Variants in PKNOX1 observed in about 807,000 individuals in gnomAD.
PKNOX1 encodes the protein homeobox protein PKNOX1.
Under a neutral mutation model 51.9 loss-of-function variants are expected in PKNOX1, and 15 were observed. That is an observed-to-expected ratio of 0.29 (90% confidence interval 0.19 to 0.45). The LOEUF (loss-of-function observed/expected upper bound fraction) is 0.45. Ranked by LOEUF, PKNOX1 falls within the 20% of genes least tolerant of loss-of-function variation. The probability of loss-of-function intolerance (pLI) is 1.00; values close to 1 mark genes in which losing one functional copy is unlikely to be tolerated. For synonymous variants in PKNOX1, 219 were observed against 211.1 expected, an observed-to-expected ratio of 1.04 and a Z score of -0.32; for missense variants, 462 against 547.5, an observed-to-expected ratio of 0.84 and a Z score of 1.56.
chr21:43,010,122 CACA>C lies in PKNOX1; in HGVS notation c.252_254del (p.Thr85del), dbSNP rs746481600. ...AACAATCTACACAGGGCTCTGAAGG[CACA>C]ACTTCTGCCAGTTTTGATGTAGACA... On this transcript the variant is annotated inframe_deletion, in exon 4 of 11. Transcript: ENST00000291547. 24 of 1,606,912 alleles carry C rather than the reference CACA, an allele frequency of 1.5e-5. 1 individual carries two copies. In the South Asian group the frequency reaches 2.5e-4, roughly 16 times the overall value.
chr21:43,029,674 G>A (rs754846567), intron 10 of PKNOX1, among the ~76,000 whole-genome samples: 28 of 151,818 alleles, frequency 1.8e-4, no homozygotes, highest in Non-Finnish European at 3.4e-4. Flanking sequence ...CTCGTTATCC[G>A]CCTGCCTCAG....
At chr21:42,978,007 ACTTT>A (rs1489012854) in intron 1 of PKNOX1, among the ~76,000 whole-genome samples, 2 of 151,758 alleles carry the variant, frequency 1.3e-5, no homozygotes, top group Non-Finnish European at 2.9e-5. Flanking sequence ...AGGCTGTTTC[ACTTT>A]CTTTCCCTCC....
At position 42,990,983 on chromosome 21, in the gene PKNOX1, C is replaced by T. The variant is rs565694422; in HGVS notation, c.-56-13343C>T. ...GGGTCAGAAAGTCCTTCCTAGGTTT[C>T]GTGACCTGCCTCAGGAGAGAAGGGT... On this transcript the variant is annotated intron_variant, in intron 1 of 10. Coordinates refer to ENST00000291547, the MANE Select transcript of PKNOX1 (RefSeq NM_004571.5). 2.1e-4 allele frequency among the ~76,000 whole-genome samples: 32 copies of T among 152,186 alleles called. 1 individual carries two copies. In the South Asian group the frequency reaches 4.2e-3, roughly 20 times the overall value.
At chr21:42,994,732 T>C in intron 1 of PKNOX1, among the ~76,000 whole-genome samples, 1 of 152,078 alleles carries the variant, frequency 6.6e-6, no homozygotes, top group Non-Finnish European at 1.5e-5. Context: ...AAAATGGTGA[T>C]ATTTATGCTG....
In PKNOX1 at chr21:43,001,324, T is replaced by C. The variant is rs373040405; in HGVS notation, c.-56-3002T>C. 5.3e-5 allele frequency among the ~76,000 whole-genome samples: 8 copies of C among 152,342 alleles called. No individual in the cohort carries two copies. The South Asian group carries it at 6.2e-4, about 12-fold the overall frequency. ...TGTTGCAAGGGTGTACCTGTGTTGA[T>C]AGGATTCCCCCGGGCTGTGAGATTG... On this transcript the variant is annotated intron_variant, in intron 1 of 10. Transcript: ENST00000291547.
At chr21:43,027,525 T>A (rs760264662) in intron 9 of PKNOX1, among the ~76,000 whole-genome samples, 2 of 152,200 alleles carry the variant, frequency 1.3e-5, no homozygotes, top group African/African-American at 2.4e-5. Flanking sequence ...GCTCATAGCA[T>A]AAGAATGGGA....
At chr21:43,006,368 C>T (rs374808842) in intron 2 of PKNOX1, among the ~76,000 whole-genome samples, 13 of 152,286 alleles carry the variant, frequency 8.5e-5, no homozygotes, top group South Asian at 6.2e-4. Flanking sequence ...TCAGGTGATC[C>T]GCCCACCTTG....
At chr21:43,022,498 C>T (rs1979806912) in intron 8 of PKNOX1, among the ~76,000 whole-genome samples, 1 of 152,060 alleles carries the variant, frequency 6.6e-6, no homozygotes, top group Admixed American at 6.5e-5. Flanking sequence ...GGAGAAGGGC[C>T]CTCTCCTGGG....
rs1024006416 is a variant in PKNOX1 at position 43,021,959 on chromosome 21, G to A, written c.849+528G>A. On this transcript the variant is annotated intron_variant, in intron 8 of 10. Coordinates refer to ENST00000291547, the MANE Select transcript of PKNOX1 (RefSeq NM_004571.5). The surrounding 1 kb of genome is among the most constrained non-coding windows in gnomAD (Gnocchi z 4.6). ...TGGCCGCGTCTTCTCCCTGTCCCCA[G>A]GACATCTTAGGAAGTGCAGTGGTGG... is the stretch of plus-strand genomic sequence containing the variant. Among the ~76,000 whole-genome samples, 1 of 152,228 alleles carries A rather than the reference G, an allele frequency of 6.6e-6. No individual in the cohort carries two copies. Among genetic ancestry groups the A allele is most frequent in the African/African-American group, 2.4e-5 (1 of 41,460 alleles).
At chr21:43,008,740 C>G (rs570601890) in intron 3 of PKNOX1, among the ~76,000 whole-genome samples, 1 of 151,914 alleles carries the variant, frequency 6.6e-6, no homozygotes, top group African/African-American at 2.4e-5. Flanking sequence ...GATCATGCCA[C>G]TGTACTCCAG....
chr21:43,002,088 A>G (rs1015415577), intron 1 of PKNOX1, among the ~76,000 whole-genome samples: 2 of 152,068 alleles, frequency 1.3e-5, no homozygotes, highest in African/African-American at 4.8e-5. Flanking sequence ...GAACTCCTGA[A>G]CTCAAGTGGT....
intron 8 of PKNOX1, among the ~76,000 whole-genome samples, chr21:43,022,393 G>T (rs1979802243): frequency 6.6e-6 from 1 of 152,192 alleles, no homozygotes; most frequent in African/African-American, 2.4e-5. Context: ...CTTTCCTCTG[G>T]CTGCCTCGGG....
At chr21:43,010,712 A>G (rs1979212495) in intron 4 of PKNOX1, among the ~76,000 whole-genome samples, 1 of 151,808 alleles carries the variant, frequency 6.6e-6, no homozygotes, top group South Asian at 2.1e-4. Flanking sequence ...TGAAAATACA[A>G]AATTAGCCAG....
intron 1 of PKNOX1, among the ~76,000 whole-genome samples, chr21:42,977,537 C>CT (rs3044504): frequency 2.1e-5 from 1 of 47,116 alleles, no homozygotes; most frequent in East Asian, 7.7e-4. Context: ...CTGCTTCCAA[C>CT]TTTTTTTTTT....
intron 1 of PKNOX1, among the ~76,000 whole-genome samples, chr21:42,980,231 G>A (rs377505549): frequency 1.3e-4 from 20 of 152,176 alleles, no homozygotes; most frequent in African/African-American, 4.3e-4. Flanking sequence ...AAATTAGCTG[G>A]GTGTGGTGGC....
At chr21:42,975,508 C>T (rs1280483335) in intron 1 of PKNOX1, among the ~76,000 whole-genome samples, 1 of 152,354 alleles carries the variant, frequency 6.6e-6, no homozygotes, top group East Asian at 1.9e-4. Context: ...GGGTTTGCAC[C>T]TTCCTTGTGA....
At chr21:43,022,196 C>A (rs906888103) in intron 8 of PKNOX1, among the ~76,000 whole-genome samples, 2 of 152,210 alleles carry the variant, frequency 1.3e-5, no homozygotes, top group African/African-American at 2.4e-5. Flanking sequence ...AGGCTGTGGC[C>A]ATATCCGCCT....
At chr21:43,029,711 A>G (rs552695880) in intron 10 of PKNOX1, among the ~76,000 whole-genome samples, 179 bp from the exon 11 acceptor site, 767 of 145,932 alleles carry the variant, frequency 5.3e-3, no homozygotes, top group Middle Eastern at 0.014. Context: ...GATTACAGGC[A>G]TGAGCTACCG....
chr21:42,998,306 A>T (rs1043145486), intron 1 of PKNOX1, among the ~76,000 whole-genome samples: 4 of 152,118 alleles, frequency 2.6e-5, no homozygotes, highest in Non-Finnish European at 2.9e-5. Flanking sequence ...ACTTGCCCCC[A>T]TGATTCAACT....
Sources: gnomAD v4.1 joint callset for allele counts (sites outside exome capture counted in the v4.1 genomes callset) on GRCh38, gnomAD v4.1.1 for gene constraint, Gnocchi (gnomAD v3.1) non-coding constraint, MANE v1.5 for transcripts, NCBI Gene and HGNC (gene_info 2026-07-23, HGNC 2026-07-21) for gene names.